CCSER1: variants seen among roughly 807,000 people sequenced by gnomAD.
CCSER1 encodes coiled-coil serine rich protein 1, also known as serine-rich coiled-coil domain-containing protein 1.
CCSER1 carries 41 observed loss-of-function variants against 82.0 expected under a neutral mutation model. That is an observed-to-expected ratio of 0.50 (90% CI 0.39 to 0.65). The LOEUF is 0.65. Ranked by LOEUF, CCSER1 falls within the 30% of genes least tolerant of loss-of-function variation. The pLI is 0.00. For missense variants in CCSER1, 1,119 were observed against 1,064.2 expected (o/e 1.05, Z -0.72); for synonymous variants, 414 against 383.9 (o/e 1.08, Z -0.92).
chr4:91,523,287 T>A (rs1760593155), intron 10 of CCSER1, among the ~76,000 whole-genome samples: 1 of 152,226 alleles, frequency 6.6e-6, no homozygotes, highest in African/African-American at 2.4e-5. Flanking sequence ...AGTATTTTAT[T>A]GAGGATTTTC....
chr4:90,580,555 C>T (rs1781315862), intron 5 of CCSER1, among the ~76,000 whole-genome samples: 1 of 152,178 alleles, frequency 6.6e-6, no homozygotes, highest in African/African-American at 2.4e-5. Context: ...TGGCTTAAGG[C>T]CTCAGACCTA....
chr4:90,836,398 T>G (rs974116284), intron 8 of CCSER1, among the ~76,000 whole-genome samples: 3 of 152,090 alleles, frequency 2.0e-5, no homozygotes, highest in African/African-American at 7.2e-5. Context: ...CTTCTGAGCT[T>G]CTTTGACTCA....
chr4:90,722,912 T>C (rs1480798357), intron 6 of CCSER1, among the ~76,000 whole-genome samples: 1 of 151,978 alleles, frequency 6.6e-6, no homozygotes, highest in African/African-American at 2.4e-5. Context: ...CACCTATGCT[T>C]TGAATGCGTT....
intron 10 of CCSER1, among the ~76,000 whole-genome samples, chr4:91,467,290 C>A (rs1399390029): frequency 1.3e-5 from 2 of 152,188 alleles, no homozygotes; most frequent in Non-Finnish European, 2.9e-5. Flanking sequence ...GGAAAACTGG[C>A]TAGCCATGTG....
intron 10 of CCSER1, among the ~76,000 whole-genome samples, chr4:91,367,831 T>C (rs1749745906): frequency 6.6e-6 from 1 of 152,194 alleles, no homozygotes; most frequent in Non-Finnish European, 1.5e-5. Flanking sequence ...CTGGAATTAT[T>C]CCTTACATAG....
chr4:90,910,777 C>A (rs1554041344), intron 8 of CCSER1, among the ~76,000 whole-genome samples: 1 of 152,108 alleles, frequency 6.6e-6, no homozygotes, highest in East Asian at 1.9e-4. Context: ...AAATAAGTTT[C>A]CTATCCCTTT....
chr4:91,090,960 C>T (rs1006909215), intron 10 of CCSER1, among the ~76,000 whole-genome samples: 1 of 152,178 alleles, frequency 6.6e-6, no homozygotes, highest in African/African-American at 2.4e-5. Context: ...GTTGCAGCTT[C>T]CACTCATGCA....
intron 8 of CCSER1, among the ~76,000 whole-genome samples, chr4:90,887,796 T>G (rs1722361020): frequency 1.3e-5 from 2 of 151,948 alleles, no homozygotes; most frequent in African/African-American, 4.8e-5. Flanking sequence ...GCAGGAGAAT[T>G]GCTTGAATCC....
chr4:91,002,860 CCTT>C (rs1345224527), intron 9 of CCSER1, among the ~76,000 whole-genome samples: 1 of 151,998 alleles, frequency 6.6e-6, no homozygotes, highest in African/African-American at 2.4e-5. Flanking sequence ...TTTTCTGGTT[CCTT>C]CTCATTTGGG....
intron 5 of CCSER1, among the ~76,000 whole-genome samples, chr4:90,501,480 C>G (rs1212855077): frequency 3.3e-5 from 5 of 152,128 alleles, no homozygotes; most frequent in African/African-American, 7.2e-5. Flanking sequence ...TGTCTCCACT[C>G]TTTTCGTTTT....
rs1561384936 is a variant in CCSER1 at position 90,932,976 on chromosome 4, A to AGAG, written c.2172+9529_2172+9530insGAG. Among the ~76,000 whole-genome samples, 28 of 38,706 alleles carry AGAG rather than the reference A, an allele frequency of 7.2e-4. 8 individuals are homozygous for AGAG. The highest frequency in any genetic ancestry group is 1.5e-3 in the African/African-American group (8 of 5,334). The allele number at this position is 38,706 out of a possible 152,430, so 25.4% of individuals were successfully genotyped here. On this transcript the variant is annotated intron_variant, in intron 9 of 10. Transcript: ENST00000509176. ...AAAGAAAGAAAGAAAGAAAGAAAGA[A>AGAG]AGAAAGAGAAAGAAAGAAAGAAAGA...
At chr4:90,888,251 C>T (rs1722444786) in intron 8 of CCSER1, among the ~76,000 whole-genome samples, 1 of 152,082 alleles carries the variant, frequency 6.6e-6, no homozygotes, top group African/African-American at 2.4e-5. Flanking sequence ...AGAAACAGCA[C>T]ATGGGGATAT....
chr4:91,306,495 C>T (rs1394666751), intron 10 of CCSER1, among the ~76,000 whole-genome samples: 1 of 152,014 alleles, frequency 6.6e-6, no homozygotes, highest in East Asian at 1.9e-4. Context: ...AACCTCTATA[C>T]TTGTCAGCTT....
chr4:90,225,809 G>A (rs960230879), intron 1 of CCSER1, among the ~76,000 whole-genome samples: 7 of 152,164 alleles, frequency 4.6e-5, no homozygotes, highest in African/African-American at 1.7e-4. Context: ...TTTGATAACA[G>A]CTTTGCTTCA....
At chr4:90,176,554 A>G (rs1260331331) in intron 1 of CCSER1, among the ~76,000 whole-genome samples, 1 of 152,000 alleles carries the variant, frequency 6.6e-6, no homozygotes, top group Non-Finnish European at 1.5e-5. Context: ...CTGATTTCCT[A>G]TGAGGGATAT....
At chr4:91,568,820 A>G (rs1211657194) in intron 10 of CCSER1, among the ~76,000 whole-genome samples, 3 of 151,576 alleles carry the variant, frequency 2.0e-5, no homozygotes, top group African/African-American at 4.9e-5. Flanking sequence ...TTTTCTATCC[A>G]TATTATGAAT....
intron 10 of CCSER1, among the ~76,000 whole-genome samples, chr4:91,372,705 A>T (rs1309839795): frequency 2.0e-5 from 3 of 152,164 alleles, no homozygotes; most frequent in Admixed American, 2.0e-4. Flanking sequence ...TTGGTGATTC[A>T]TCATAAACTG....
intron 1 of CCSER1, among the ~76,000 whole-genome samples, chr4:90,230,268 T>A (rs1235171209): frequency 6.6e-6 from 1 of 152,008 alleles, no homozygotes; most frequent in African/African-American, 2.4e-5. Flanking sequence ...TATAACAAAC[T>A]GTCTCTCAGA....
chr4:91,303,884 G>A (rs866542826), intron 10 of CCSER1, among the ~76,000 whole-genome samples: 1 of 151,938 alleles, frequency 6.6e-6, no homozygotes, highest in Non-Finnish European at 1.5e-5. Flanking sequence ...AATATAAACA[G>A]TTAATAAGGG....
Sources: allele counts gnomAD v4.1 joint callset (sites outside exome capture counted in the v4.1 genomes callset), GRCh38; gene constraint gnomAD v4.1.1; transcripts MANE v1.5; gene names NCBI Gene and HGNC (gene_info 2026-07-23, HGNC 2026-07-21).